Variants in NRXN3 observed in about 807,000 individuals in gnomAD.
NRXN3 encodes neurexin 3, also known as neurexin III.
Under a neutral mutation model 137.6 loss-of-function variants are expected in NRXN3, and 32 were observed. The observed-to-expected ratio is 0.23, with a 90% CI of 0.18 to 0.31. The LOEUF (loss-of-function observed/expected upper bound fraction) is 0.31. Ranked by LOEUF, NRXN3 falls within the 10% of genes least tolerant of loss-of-function variation. NRXN3 has a pLI of 1.00. For synonymous variants in NRXN3, 798 were observed against 784.5 expected, an observed-to-expected ratio of 1.02 and a Z score of -0.29; for missense variants, 1,574 against 2,062.5, an observed-to-expected ratio of 0.76 and a Z score of 4.59.
At chr14:79,590,400 C>G (rs1197971176) in intron 16 of NRXN3, among the ~76,000 whole-genome samples, 1 of 98,066 alleles carries the variant, frequency 1.0e-5, no homozygotes, top group African/African-American at 5.6e-5. Flanking sequence ...GTCCATTAAA[C>G]CTTTCTTTCT....
chr14:79,733,674 G>GT (rs57329051), intron 19 of NRXN3, among the ~76,000 whole-genome samples: 23,803 of 124,960 alleles, frequency 0.19, 2,020 homozygotes, highest in Middle Eastern at 0.31. Context: ...TGCTGTTGTT[G>GT]TTTTTTTTTT....
chr14:79,234,324 A>ATATATAT (rs1568714693), intron 15 of NRXN3, among the ~76,000 whole-genome samples: 13 of 114,672 alleles, frequency 1.1e-4, no homozygotes, highest in African/African-American at 3.0e-4. Context: ...ATATATATAT[A>ATATATAT]TATATATATA....
intron 15 of NRXN3, among the ~76,000 whole-genome samples, chr14:79,441,879 CT>C (rs2095967828): frequency 6.9e-6 from 1 of 145,144 alleles, no homozygotes; most frequent in South Asian, 2.3e-4. Flanking sequence ...AAAAAAAAAA[CT>C]GTCCTCCTTC....
intron 14 of NRXN3, among the ~76,000 whole-genome samples, chr14:78,986,223 T>C (rs1039035235): frequency 6.6e-5 from 10 of 152,188 alleles, no homozygotes; most frequent in African/African-American, 1.9e-4. Flanking sequence ...TGTTTTACCC[T>C]GTCAAGTGCT....
At chr14:79,333,172 C>T (rs1415066869) in intron 15 of NRXN3, among the ~76,000 whole-genome samples, 1 of 151,820 alleles carries the variant, frequency 6.6e-6, no homozygotes, top group African/African-American at 2.4e-5. Context: ...TAAATTATCC[C>T]CTCAACTACT....
chr14:79,281,169 T>C (rs1029490273), intron 15 of NRXN3, among the ~76,000 whole-genome samples: 1 of 152,146 alleles, frequency 6.6e-6, no homozygotes, highest in Non-Finnish European at 1.5e-5. Flanking sequence ...AAACTACACA[T>C]CTACTATTGC....
rs1023104137 is a variant in NRXN3 at position 78,737,244 on chromosome 14, C to G, written c.2044+22105C>G. Reference sequence around the variant, plus strand: ...GGTCCAGCCTTCTAATTCCTCTGCTCGGGCTGTGCCCATCTGCTGGGGGTG... The same window carrying G: ...GGTCCAGCCTTCTAATTCCTCTGCTGGGGCTGTGCCCATCTGCTGGGGGTG... On this transcript the variant is annotated intron_variant, in intron 8 of 20. Transcript: ENST00000335750. Among the ~76,000 whole-genome samples, 7 of 152,294 alleles carry G rather than the reference C, an allele frequency of 4.6e-5. No homozygotes were observed. In the East Asian group the frequency reaches 1.4e-3, roughly 29 times the overall value.
At chr14:79,509,355 C>A (rs1323412544) in intron 16 of NRXN3, among the ~76,000 whole-genome samples, 5 of 151,930 alleles carry the variant, frequency 3.3e-5, no homozygotes, top group Non-Finnish European at 7.4e-5. Context: ...AAAATACACA[C>A]ACGCAAAAAT....
At chr14:79,175,084 C>T (rs1281336247) in intron 15 of NRXN3, among the ~76,000 whole-genome samples, 1 of 151,298 alleles carries the variant, frequency 6.6e-6, no homozygotes, top group Non-Finnish European at 1.5e-5. Context: ...GGGTTCACGC[C>T]ATTCTCCTGC....
At chr14:78,765,795 C>G (rs2098707106) in intron 8 of NRXN3, among the ~76,000 whole-genome samples, 1 of 152,102 alleles carries the variant, frequency 6.6e-6, no homozygotes, top group South Asian at 2.1e-4. Flanking sequence ...TCACCTTCCC[C>G]CATCCATTAT....
At chr14:78,519,090 A>G (rs188303774) in intron 4 of NRXN3, among the ~76,000 whole-genome samples, 101 of 152,302 alleles carry the variant, frequency 6.6e-4, no homozygotes, top group Middle Eastern at 6.8e-3. Context: ...TGAATAATTT[A>G]TTATACAACT....
intron 15 of NRXN3, among the ~76,000 whole-genome samples, chr14:79,143,571 G>T (rs959281275): frequency 1.3e-5 from 2 of 152,178 alleles, no homozygotes; most frequent in African/African-American, 4.8e-5. Context: ...ACCATTATGG[G>T]AAAACAATTC....
chr14:78,443,233 A>C (rs780415947), intron 4 of NRXN3, among the ~76,000 whole-genome samples: 16 of 152,176 alleles, frequency 1.1e-4, no homozygotes, highest in Non-Finnish European at 2.2e-4. Flanking sequence ...GTTTGGTAGT[A>C]GTGGAGAGGC....
At chr14:78,794,029 C>T (rs1019015874) in intron 8 of NRXN3, among the ~76,000 whole-genome samples, 1 of 152,100 alleles carries the variant, frequency 6.6e-6, no homozygotes. Context: ...GAATAATGTT[C>T]TCATTTTTCA....
At chr14:79,071,756 A>T (rs1337092943) in intron 15 of NRXN3, among the ~76,000 whole-genome samples, 1 of 152,226 alleles carries the variant, frequency 6.6e-6, no homozygotes, top group Non-Finnish European at 1.5e-5. Context: ...TTAGGATTTG[A>T]TAGCCTATCA....
At chr14:79,807,731 A>C (rs966984997) in intron 20 of NRXN3, among the ~76,000 whole-genome samples, 7 of 152,188 alleles carry the variant, frequency 4.6e-5, no homozygotes, top group Non-Finnish European at 7.4e-5. Context: ...AAGAGTGAAC[A>C]TGTAGCTCTA....
chr14:78,594,787 A>G (rs757409339), intron 4 of NRXN3, among the ~76,000 whole-genome samples: 9 of 152,180 alleles, frequency 5.9e-5, no homozygotes, highest in East Asian at 3.9e-4. Context: ...TGGCCTCTCA[A>G]AAAAAGTCTT....
At chr14:78,185,725 C>T (rs764558640) in intron 1 of NRXN3, among the ~76,000 whole-genome samples, 19 of 152,284 alleles carry the variant, frequency 1.2e-4, no homozygotes, top group Non-Finnish European at 2.6e-4. Flanking sequence ...GAGCTCACAC[C>T]AGCACACCTC....
chr14:79,291,473 G>T (rs2153460125), intron 15 of NRXN3, among the ~76,000 whole-genome samples: 1 of 151,476 alleles, frequency 6.6e-6, no homozygotes, highest in South Asian at 2.1e-4. Context: ...CTCCCAACTT[G>T]GTCTCTCAAA....
Sources: allele counts gnomAD v4.1 joint callset (sites outside exome capture counted in the v4.1 genomes callset), GRCh38; gene constraint gnomAD v4.1.1; transcripts MANE v1.5; gene names NCBI Gene and HGNC (gene_info 2026-07-23, HGNC 2026-07-21).